SRD5A1: variants seen among roughly 807,000 people sequenced by gnomAD.
The protein encoded by SRD5A1 is 3-oxo-5-alpha-steroid 4-dehydrogenase 1.
A neutral mutation model predicts 28.2 loss-of-function variants in SRD5A1; 22 were observed. The observed-to-expected ratio is 0.78, with a 90% CI of 0.56 to 1.12. The LOEUF (loss-of-function observed/expected upper bound fraction) is 1.12, where lower values mean the gene tolerates loss of function less well. SRD5A1 is among the 50% of genes most tolerant of loss of function. The probability of loss-of-function intolerance (pLI) is 0.00; values close to 1 mark genes in which losing one functional copy is unlikely to be tolerated. For missense variants in SRD5A1, 300 were observed against 346.7 expected, an observed-to-expected ratio of 0.87 and a Z score of 1.07; for synonymous variants, 151 against 135.0, an observed-to-expected ratio of 1.12 and a Z score of -0.82.
intron 1 of SRD5A1, among the ~76,000 whole-genome samples, chr5:6,649,782 C>T (rs1297148494): frequency 1.3e-5 from 2 of 152,172 alleles, no homozygotes; most frequent in Non-Finnish European, 2.9e-5. Context: ...CAACCAGTCC[C>T]AGTGAGATAA....
intron 3 of SRD5A1, among the ~76,000 whole-genome samples, chr5:6,662,551 G>A (rs754219687): frequency 6.6e-6 from 1 of 152,180 alleles, no homozygotes; most frequent in East Asian, 1.9e-4. Flanking sequence ...AGGTGCACTG[G>A]TTTATTGGTG....
intron 1 of SRD5A1, among the ~76,000 whole-genome samples, chr5:6,647,574 C>T (rs1738543557): frequency 6.6e-6 from 1 of 152,174 alleles, no homozygotes; most frequent in African/African-American, 2.4e-5. Context: ...TCTGTTTTCT[C>T]AGAGACTAGG....
chr5:6,673,548 T>C lies in SRD5A1; in HGVS notation c.*5280T>C, dbSNP rs1739422357. 6.6e-6 allele frequency: 1 copy of C among 152,168 alleles called. No homozygotes were observed. Among genetic ancestry groups the C allele is most frequent in the African/African-American group, 2.4e-5 (1 of 41,446 alleles). The allele number at this position is 152,168 out of a possible 1,614,324, so 9.4% of individuals were successfully genotyped here. ...CAGATTCCTAAAAAGGTAAACATACTCTTACTAAACAATCTAGTAGATTTG... is the reference window on the plus strand; with the variant it reads ...CAGATTCCTAAAAAGGTAAACATACCCTTACTAAACAATCTAGTAGATTTG... On this transcript the variant is annotated 3_prime_UTR_variant, in exon 5 of 5. Coordinates refer to ENST00000274192, the MANE Select transcript of SRD5A1 (RefSeq NM_001047.4).
intron 1 of SRD5A1, chr5:6,644,714 A>G (rs1279436916): frequency 5.4e-6 from 2 of 368,454 alleles, no homozygotes; most frequent in Non-Finnish European, 1.1e-5. Context: ...GTCTGATCAC[A>G]AGACAAGATT....
At chr5:6,664,345 C>T (rs1007322119) in intron 4 of SRD5A1, among the ~76,000 whole-genome samples, 2 of 152,142 alleles carry the variant, frequency 1.3e-5, no homozygotes, top group African/African-American at 4.8e-5. Context: ...CACGAGTTTG[C>T]AGATGCAAAG....
intron 1 of SRD5A1, among the ~76,000 whole-genome samples, chr5:6,641,235 T>C (rs1165846997): frequency 3.3e-5 from 5 of 152,164 alleles, no homozygotes; most frequent in Admixed American, 3.3e-4. Flanking sequence ...CTCTAGAGTC[T>C]AAACAAAGAC....
intron 1 of SRD5A1, among the ~76,000 whole-genome samples, chr5:6,634,113 G>A (rs2126519764): frequency 6.6e-6 from 1 of 152,352 alleles, no homozygotes; most frequent in Non-Finnish European, 1.5e-5. Flanking sequence ...GGAAGGGAGT[G>A]ATGGAAAAAA....
intron 2 of SRD5A1, among the ~76,000 whole-genome samples, chr5:6,653,285 C>T (rs937106031): frequency 2.0e-5 from 3 of 152,158 alleles, no homozygotes; most frequent in African/African-American, 4.8e-5. Flanking sequence ...GGAGGGTTGG[C>T]TGAGAAGGCG....
At chr5:6,663,752 C>T (rs1051332989) in intron 4 of SRD5A1, among the ~76,000 whole-genome samples, 11 of 151,838 alleles carry the variant, frequency 7.2e-5, no homozygotes, top group Non-Finnish European at 1.0e-4. Flanking sequence ...CCCAGCTACT[C>T]GGGAGGCTGA....
chr5:6,644,042 G>A (rs749341151), intron 1 of SRD5A1, among the ~76,000 whole-genome samples: 1 of 152,290 alleles, frequency 6.6e-6, no homozygotes, highest in Non-Finnish European at 1.5e-5. Flanking sequence ...ATCAAGGTTC[G>A]CTGGATGTGA....
intron 1 of SRD5A1, among the ~76,000 whole-genome samples, chr5:6,640,776 T>C (rs1418902615): frequency 2.0e-5 from 3 of 152,258 alleles, no homozygotes; most frequent in African/African-American, 7.2e-5. Flanking sequence ...ACAGAATCTC[T>C]GTGTAGCTTC....
At chr5:6,649,151 T>C (rs561850050) in intron 1 of SRD5A1, among the ~76,000 whole-genome samples, 1 of 152,246 alleles carries the variant, frequency 6.6e-6, no homozygotes, top group South Asian at 2.1e-4. Context: ...CAGTATGAGG[T>C]GTCTGTCGGC....
chr5:6,642,196 A>G (rs1738382501), intron 1 of SRD5A1, among the ~76,000 whole-genome samples: 1 of 125,428 alleles, frequency 8.0e-6, no homozygotes, highest in Non-Finnish European at 1.7e-5. Flanking sequence ...TATTATCAAC[A>G]TCTATTGTAA....
chr5:6,656,530 C>T (rs977598863), intron 3 of SRD5A1, among the ~76,000 whole-genome samples: 2 of 152,136 alleles, frequency 1.3e-5, no homozygotes, highest in African/African-American at 2.4e-5. Context: ...CAGTTTAAAA[C>T]ATTGGAATAT....
At chr5:6,665,319 C>T (rs990015572) in intron 4 of SRD5A1, among the ~76,000 whole-genome samples, 1 of 152,164 alleles carries the variant, frequency 6.6e-6, no homozygotes, top group African/African-American at 2.4e-5. Context: ...AATCAGTGGC[C>T]GTTATTATAA....
At chr5:6,634,390 A>AT (rs1457870180) in intron 1 of SRD5A1, among the ~76,000 whole-genome samples, 1 of 112,278 alleles carries the variant, frequency 8.9e-6, no homozygotes, top group Non-Finnish European at 1.7e-5. Context: ...TGAAGACTAG[A>AT]TTTTGTTCCC....
rs1224391649 is a variant in SRD5A1 at position 6,651,915 on chromosome 5, T to C, written c.367T>C (p.Phe123Leu). The C allele has an allele frequency of 4.3e-6, 7 of 1,613,920 alleles. No homozygotes were observed. The highest frequency in any genetic ancestry group is 5.9e-6 in the Non-Finnish European group (7 of 1,179,946). ...GTTGGCGTGTACAATGGCGATTATGTTCTGTACCTGTAACGGCTATTTGCA... is the reference window on the plus strand; with the variant it reads ...GTTGGCGTGTACAATGGCGATTATGCTCTGTACCTGTAACGGCTATTTGCA... ...PLLACTMAIM[F>L]CTCNGYLQSR... The change falls in exon 2 of 5, where the codon TTC (phenylalanine) becomes CTC (leucine). Residue 123 changes from phenylalanine (F) to leucine (L), a missense_variant. Phe to Leu is a conservative substitution (Grantham distance 22). Coordinates refer to ENST00000274192, the MANE Select transcript of SRD5A1 (RefSeq NM_001047.4).
chr5:6,667,525 TC>T (rs1195646765), intron 4 of SRD5A1, among the ~76,000 whole-genome samples: 2 of 152,304 alleles, frequency 1.3e-5, no homozygotes, highest in East Asian at 3.9e-4. Flanking sequence ...ACTCCCTTTC[TC>T]CATCTTGTCA....
intron 1 of SRD5A1, among the ~76,000 whole-genome samples, chr5:6,651,036 A>G (rs1452983051): frequency 6.6e-6 from 1 of 151,864 alleles, no homozygotes; most frequent in East Asian, 1.9e-4. Flanking sequence ...TTTATCCTCT[A>G]TCAAATGTGG....
Sources: allele counts gnomAD v4.1 joint callset (sites outside exome capture counted in the v4.1 genomes callset), GRCh38; gene constraint gnomAD v4.1.1; transcripts MANE v1.5; gene names NCBI Gene and HGNC (gene_info 2026-07-23, HGNC 2026-07-21).